The following PARP4 variants were observed in gnomAD, a reference collection of about 807,000 sequenced individuals.
PARP4 encodes the protein protein mono-ADP-ribosyltransferase PARP4.
In PARP4, 120 loss-of-function variants were observed where a neutral mutation model predicts 187.7. That is an observed-to-expected ratio of 0.64 (90% confidence interval 0.55 to 0.74). PARP4 has a LOEUF of 0.74. PARP4 is among the 30% of genes least tolerant of loss of function. The probability of loss-of-function intolerance (pLI) is 0.00; values close to 1 mark genes in which losing one functional copy is unlikely to be tolerated. For synonymous variants in PARP4, 654 were observed against 740.9 expected (o/e 0.88, Z 1.90); for missense variants, 1,836 against 2,070.5 (o/e 0.89, Z 2.20).
In PARP4 at chr13:24,453,632, A is replaced by T. The variant is rs1456523534; in HGVS notation, c.2781T>A (p.Tyr927Ter). ...TGGTATTGCTTGTGATATGCTTAGG[A>T]TACGAAAATAGCTCCTTGTAACCTG... ...FGTGYKELFS[Y>*]PKHITSNTMA... Residue 927 changes from tyrosine to a stop codon, truncating the protein, a stop_gained, in exon 23 of 34, where the codon TAT becomes TAA. Coordinates refer to ENST00000381989, the MANE Select transcript of PARP4 (RefSeq NM_006437.4). LOFTEE classifies it high-confidence loss of function. The T allele has an allele frequency of 3.7e-6, 6 of 1,605,808 alleles. No individual in the cohort carries two copies. In the African/African-American group the frequency reaches 8.0e-5, roughly 21 times the overall value.
intron 17 of PARP4, among the ~76,000 whole-genome samples, chr13:24,466,514 G>C (rs1872478349): frequency 6.6e-6 from 1 of 152,098 alleles, no homozygotes; most frequent in African/African-American, 2.4e-5. Flanking sequence ...GAGAGAACTG[G>C]CTGGGCGCAG....
intron 20 of PARP4, among the ~76,000 whole-genome samples, chr13:24,458,361 A>G (rs9507349): frequency 0.94 from 142,475 of 151,734 alleles, 67,071 homozygotes; most frequent in East Asian, 0.98. Context: ...CACCCACCTC[A>G]GCCTCCCAAA....
intron 12 of PARP4, among the ~76,000 whole-genome samples, chr13:24,480,700 A>T (rs1873229074): frequency 6.6e-6 from 1 of 152,206 alleles, no homozygotes; most frequent in Non-Finnish European, 1.5e-5. Context: ...CAAGGCCCCA[A>T]CTCTGTTCAA....
chr13:24,472,131 C>A (rs1872751031), intron 15 of PARP4, among the ~76,000 whole-genome samples: 1 of 151,832 alleles, frequency 6.6e-6, no homozygotes, highest in African/African-American at 2.4e-5. Flanking sequence ...TGTCTCTGGG[C>A]CTCAGCTTCT....
chr13:24,458,337 C>T (rs1871997831), intron 20 of PARP4, among the ~76,000 whole-genome samples: 1 of 151,912 alleles, frequency 6.6e-6, no homozygotes, highest in Non-Finnish European at 1.5e-5. Context: ...TCTCGATCTC[C>T]TGACCTCGTG....
chr13:24,481,147 C>T (rs1175084493), intron 12 of PARP4, among the ~76,000 whole-genome samples: 3 of 152,188 alleles, frequency 2.0e-5, no homozygotes, highest in Non-Finnish European at 4.4e-5. Context: ...ACAAATGGAA[C>T]GACAAAACCT....
intron 25 of PARP4, among the ~76,000 whole-genome samples, chr13:24,448,946 T>C (rs967220121): frequency 2.6e-5 from 4 of 152,200 alleles, no homozygotes; most frequent in Admixed American, 6.5e-5. Flanking sequence ...AGTAGAGTCA[T>C]GGTTAGCAGG....
intron 12 of PARP4, among the ~76,000 whole-genome samples, chr13:24,483,514 T>C (rs1426170017): frequency 6.6e-6 from 1 of 151,896 alleles, no homozygotes; most frequent in African/African-American, 2.4e-5. Context: ...AAAAAAGTTT[T>C]TTTTAGAGAT....
chr13:24,434,063 G>C (rs2137440307), intron 31 of PARP4, among the ~76,000 whole-genome samples: 1 of 152,294 alleles, frequency 6.6e-6, no homozygotes, highest in East Asian at 1.9e-4. Flanking sequence ...ATTAGTTCTA[G>C]AATCTAGGAA....
At chr13:24,499,230 A>G in intron 5 of PARP4, 71 bp downstream of exon 5, 1 of 1,444,470 alleles carries the variant, frequency 6.9e-7, no homozygotes, top group Non-Finnish European at 9.1e-7. Flanking sequence ...ACCGAATAGG[A>G]AAAACACCCA....
intron 17 of PARP4, among the ~76,000 whole-genome samples, chr13:24,467,572 G>A (rs775284140): frequency 6.6e-6 from 1 of 152,226 alleles, no homozygotes; most frequent in Admixed American, 6.5e-5. Flanking sequence ...AAAGTGCTGG[G>A]ATTACAGGTA....
intron 21 of PARP4, 139 bp from the exon 22 acceptor site, chr13:24,455,351 A>C: frequency 1.9e-6 from 1 of 516,814 alleles, no homozygotes; most frequent in Non-Finnish European, 3.2e-6. Context: ...ATTAACAACA[A>C]GATGGCCTAC....
Position 24,498,178 on chromosome 13 carries a change from G to T in PARP4, c.529C>A (p.Arg177=), listed in dbSNP as rs138375910. ...AGGAAAGGACAGTCCCTGGAGTCCC[G>T]CGAACACTGAAGCTCCACCACCACA... ...EAVVVELQCS[R]DSRDCPFLIS... The change falls in exon 6 of 34, where the codon CGG becomes AGG. Residue 177 remains arginine, a synonymous_variant. Coordinates refer to ENST00000381989, the MANE Select transcript of PARP4 (RefSeq NM_006437.4). 4.5e-5 allele frequency: 73 copies of T among 1,613,654 alleles called. No individual in the cohort carries two copies. In the African/African-American group the frequency reaches 5.5e-4, roughly 12 times the overall value.
rs1395936321 is a variant in PARP4, at chr13:24,484,706, T to C, written c.1395A>G (p.Gln465=). The C allele has an allele frequency of 1.9e-6, 3 of 1,612,058 alleles. No homozygotes were observed. The highest frequency in any genetic ancestry group is 1.7e-5 in the Admixed American group (1 of 60,000). The change falls in exon 12 of 34, where the codon CAA becomes CAG. Residue 465 remains glutamine (Q), a synonymous_variant. Coordinates refer to ENST00000381989, the MANE Select transcript of PARP4 (RefSeq NM_006437.4). ...TTCCAAGGTTTCCGACGTCTGTTCT[T>C]TGCACACCACGATCTTCCACTACTT... ...LPKVVEDRGV[Q]RTDVGNLGSG...
In PARP4 at chr13:24,435,357, C is replaced by T. The variant is rs1390179831; in HGVS notation, c.3784G>A (p.Glu1262Lys). Reference protein sequence around the residue: ...LSQPEVSEDFEEDGLGVLPAF... With the variant: ...LSQPEVSEDFKEDGLGVLPAF... ...GGTAGTACACCTAAGCCATCCTCTT[C>T]AAAATCTTCAGAAACTTCTGGCTGA... Residue 1262 changes from glutamate (E) to lysine (K), a missense_variant, in exon 31 of 34, where the codon GAA (glutamate) becomes AAA (lysine). Transcript: ENST00000381989. The T allele has an allele frequency of 1.9e-6, 3 of 1,612,512 alleles. No homozygotes were observed. The highest frequency in any genetic ancestry group is 2.2e-5 in the East Asian group (1 of 44,880).
chr13:24,496,792 AG>A (rs1012379390), intron 6 of PARP4, among the ~76,000 whole-genome samples: 6 of 152,182 alleles, frequency 3.9e-5, no homozygotes, highest in African/African-American at 1.4e-4. Context: ...TGGGAGGCCA[AG>A]GCAAGCAGAT....
Position 24,500,317 on chromosome 13 carries a change from C to A in PARP4, c.400G>T (p.Glu134Ter). 6.4e-7 allele frequency: 1 copy of A among 1,571,530 alleles called. No individual in the cohort carries two copies. Among genetic ancestry groups the A allele is most frequent in the Non-Finnish European group, 8.7e-7 (1 of 1,151,190 alleles). ...TEEEDTVELT[E>*]FGMQNVEIPH... is the part of the protein sequence containing the mutation. ...AGGAATCAGAAAGAAGTAAATTACT[C>A]AGTGAGTTCCACAGTGTCTTCCTCC... The change falls in exon 4 of 34, where the codon GAG becomes TAG. Residue 134 changes from glutamate to a stop codon, truncating the protein, a stop_gained and splice_region_variant. Coordinates refer to ENST00000381989, the MANE Select transcript of PARP4 (RefSeq NM_006437.4). LOFTEE classifies it high-confidence loss of function.
chr13:24,446,137 T>G (rs1029682983), intron 27 of PARP4, among the ~76,000 whole-genome samples: 5 of 152,330 alleles, frequency 3.3e-5, no homozygotes, highest in African/African-American at 1.2e-4. Flanking sequence ...ATAGCATCAG[T>G]AGGCCAGTGG....
chr13:24,433,826 T>C (rs1300281430), intron 31 of PARP4, among the ~76,000 whole-genome samples: 2 of 152,300 alleles, frequency 1.3e-5, no homozygotes, highest in East Asian at 1.9e-4. Context: ...ACTAAACTAC[T>C]TGACACCAAA....
Sources: gnomAD v4.1 joint callset for allele counts (sites outside exome capture counted in the v4.1 genomes callset) on GRCh38, gnomAD v4.1.1 for gene constraint, MANE v1.5 for transcripts, NCBI Gene and HGNC (gene_info 2026-07-23, HGNC 2026-07-21) for gene names.